The following LIMCH1 variants were observed in gnomAD, a reference collection of about 807,000 sequenced individuals.
LIMCH1 encodes the protein LIM and calponin homology domains-containing protein 1.
In LIMCH1, 113 loss-of-function variants were observed where a neutral mutation model predicts 176.5. That is an observed-to-expected ratio of 0.64 (90% confidence interval 0.55 to 0.75). LIMCH1 has a LOEUF of 0.75. Ranked by LOEUF, LIMCH1 falls within the 30% of genes least tolerant of loss-of-function variation. LIMCH1 has a pLI of 0.00. For synonymous variants in LIMCH1, 619 were observed against 645.9 expected, an observed-to-expected ratio of 0.96 and a Z score of 0.63; for missense variants, 1,674 against 1,814.9, an observed-to-expected ratio of 0.92 and a Z score of 1.41.
At chr4:41,587,187 T>G (rs1039483168) in intron 1 of LIMCH1, among the ~76,000 whole-genome samples, 1 of 152,226 alleles carries the variant, frequency 6.6e-6, no homozygotes, top group Non-Finnish European at 1.5e-5. Flanking sequence ...CTCTAAAACT[T>G]TGAAAGAAAA....
At chr4:41,542,887 A>G (rs970281058) in intron 1 of LIMCH1, among the ~76,000 whole-genome samples, 2 of 152,230 alleles carry the variant, frequency 1.3e-5, no homozygotes, top group Non-Finnish European at 2.9e-5. Context: ...AACTGAAAAA[A>G]TTGTAACATT....
At position 41,633,633 on chromosome 4, in the gene LIMCH1, G is replaced by T; in HGVS notation, c.1915G>T (p.Gly639Ter). The T allele has an allele frequency of 2.0e-6, 3 of 1,536,148 alleles. No individual in the cohort carries two copies. Among genetic ancestry groups the T allele is most frequent in the Non-Finnish European group, 2.6e-6 (3 of 1,146,920 alleles). ...KMTAPAWSGS[G>*]LKGQRKLDDS... ...GACAGCTCCTGCCTGGAGTGGCAGT[G>T]GACTGAAAGGCCAGCGAAAGTTGGA... Residue 639 changes from glycine to a stop codon, truncating the protein, a stop_gained, in exon 13 of 32, where the codon GGA becomes TGA. Coordinates refer to ENST00000503057, the MANE Select transcript of LIMCH1 (RefSeq NM_001330672.2). LOFTEE classifies it high-confidence loss of function.
intron 4 of LIMCH1, chr4:41,613,134 A>C: frequency 6.7e-7 from 1 of 1,502,152 alleles, no homozygotes; most frequent in Non-Finnish European, 9.1e-7. Context: ...GTTTTGAACT[A>C]TCATTGTACT....
intron 1 of LIMCH1, among the ~76,000 whole-genome samples, chr4:41,565,473 A>G (rs962129037): frequency 3.3e-5 from 5 of 150,972 alleles, no homozygotes; most frequent in Non-Finnish European, 7.4e-5. Flanking sequence ...AAATATATAT[A>G]TATATTTCAA....
chr4:41,639,063 G>A, intron 14 of LIMCH1, 96 bp downstream of exon 14: 1 of 890,076 alleles, frequency 1.1e-6, no homozygotes, highest in Non-Finnish European at 1.7e-6. Context: ...TGATGCAAGT[G>A]AACTGAATAG....
intron 1 of LIMCH1, among the ~76,000 whole-genome samples, chr4:41,362,808 C>G (rs113503178): frequency 0.01 from 1,575 of 152,194 alleles, 32 homozygotes; most frequent in African/African-American, 0.035. Context: ...TTATGCAGTG[C>G]AGAATATTAG....
intron 1 of LIMCH1, among the ~76,000 whole-genome samples, chr4:41,480,763 C>G (rs191586305): frequency 6.6e-6 from 1 of 152,218 alleles, no homozygotes; most frequent in Non-Finnish European, 1.5e-5. Flanking sequence ...ACTCTTCCTT[C>G]TCTCTGCTCT....
At chr4:41,456,192 G>A (rs1435734089) in intron 1 of LIMCH1, among the ~76,000 whole-genome samples, 1 of 152,072 alleles carries the variant, frequency 6.6e-6, no homozygotes, top group African/African-American at 2.4e-5. Context: ...GAGCTTTAAT[G>A]GCCATTTTCC....
chr4:41,580,081 T>G (rs1359200393), intron 1 of LIMCH1, among the ~76,000 whole-genome samples: 1 of 152,198 alleles, frequency 6.6e-6, no homozygotes, highest in African/African-American at 2.4e-5. Flanking sequence ...TCCAGGCCTA[T>G]GCATGGAGGA....
rs1335319659 is a variant in LIMCH1 at position 41,419,588 on chromosome 4, T to TTCCTCCTTCCTTCCTTCCTTCC, written c.96+58656_96+58657insCCTTCCTTCCTTCCTTCCTCCT. Among the ~76,000 whole-genome samples the TTCCTCCTTCCTTCCTTCCTTCC allele has an allele frequency of 2.4e-3, 211 of 86,772 alleles. 32 individuals are homozygous for TTCCTCCTTCCTTCCTTCCTTCC. The highest frequency in any genetic ancestry group is 0.017 in the African/African-American group (200 of 11,444). The allele number at this position is 86,772 out of a possible 152,430, so 56.9% of individuals were successfully genotyped here. On this transcript the variant is annotated intron_variant, in intron 1 of 26. Transcript: ENST00000313860. ...CTTCCTTCCTTCCTTCCTTCCTTCC[T>TTCCTCCTTCCTTCCTTCCTTCC]TCCTTCCTTCCTTCCGTCCTTCCTT...
At chr4:41,674,751 A>G (rs970239884) in intron 22 of LIMCH1, among the ~76,000 whole-genome samples, 2 of 152,238 alleles carry the variant, frequency 1.3e-5, no homozygotes, top group Non-Finnish European at 2.9e-5. Context: ...CTATTTTATG[A>G]TAAAGTGTTG....
intron 1 of LIMCH1, among the ~76,000 whole-genome samples, chr4:41,385,614 C>G (rs2056386780): frequency 6.6e-6 from 1 of 152,114 alleles, no homozygotes; most frequent in African/African-American, 2.4e-5. Context: ...CATGGCAACT[C>G]AGTAGAATGC....
Position 41,431,978 on chromosome 4 carries a change from ATCT to A in LIMCH1, c.97-62554_97-62552del, listed in dbSNP as rs1305343470. Among the ~76,000 whole-genome samples, 10 of 152,236 alleles carry A rather than the reference ATCT, an allele frequency of 6.6e-5. No homozygotes were observed. In the South Asian group the frequency reaches 2.1e-3, roughly 31 times the overall value. On this transcript the variant is annotated intron_variant, in intron 1 of 26. Coordinates refer to the LIMCH1 transcript ENST00000313860. ...TCTTTTTTCTATGAAATCATAATTA[ATCT>A]TCTCTCCACTCTGTAAGGCAGCTAT...
chr4:41,394,841 A>G (rs1246724320), intron 1 of LIMCH1, among the ~76,000 whole-genome samples: 1 of 152,220 alleles, frequency 6.6e-6, no homozygotes, highest in Admixed American at 6.5e-5. Flanking sequence ...TGGTGCTCAG[A>G]ACAAGAACAC....
intron 1 of LIMCH1, among the ~76,000 whole-genome samples, chr4:41,467,159 A>G (rs2066254516): frequency 8.3e-5 from 1 of 12,082 alleles, no homozygotes; most frequent in African/African-American, 1.1e-3. Flanking sequence ...ATGTATATAT[A>G]CACACACACA....
intron 14 of LIMCH1, among the ~76,000 whole-genome samples, chr4:41,641,769 A>C (rs2093833358): frequency 6.6e-6 from 1 of 152,232 alleles, no homozygotes; most frequent in African/African-American, 2.4e-5. Context: ...TTGTGGGGTC[A>C]TGTCAGCATT....
chr4:41,684,647 C>T, intron 27 of LIMCH1, 129 bp downstream of exon 27: 1 of 956,710 alleles, frequency 1.0e-6, no homozygotes, highest in Admixed American at 2.9e-5. Flanking sequence ...AGCTTATGCC[C>T]AATATATAGT....
chr4:41,646,052 A>T, intron 15 of LIMCH1, 71 bp from the exon 16 acceptor site: 6 of 1,477,344 alleles, frequency 4.1e-6, no homozygotes, highest in Non-Finnish European at 3.7e-6. Context: ...GAAATGACTA[A>T]ACTCTGAAGA....
At chr4:41,479,304 G>A (rs775999989) in intron 1 of LIMCH1, among the ~76,000 whole-genome samples, 1 of 152,172 alleles carries the variant, frequency 6.6e-6, no homozygotes, top group Non-Finnish European at 1.5e-5. Context: ...CCAGGCTAGA[G>A]CACAGTGCTG....
Sources: allele counts gnomAD v4.1 joint callset (sites outside exome capture counted in the v4.1 genomes callset), GRCh38; gene constraint gnomAD v4.1.1; transcripts MANE v1.5; gene names NCBI Gene and HGNC (gene_info 2026-07-23, HGNC 2026-07-21).